Variants in BIRC6 observed in about 807,000 individuals in gnomAD.
The protein encoded by BIRC6 is dual E2 ubiquitin-conjugating enzyme/E3 ubiquitin-protein ligase BIRC6.
Under a neutral mutation model 503.3 loss-of-function variants are expected in BIRC6, and 98 were observed. That is an observed-to-expected ratio of 0.19 (90% confidence interval 0.17 to 0.23). BIRC6 has a LOEUF of 0.23. Among genes scored for constraint, BIRC6 ranks in the 10% least tolerant of loss-of-function variants. The pLI, the probability that BIRC6 is intolerant of heterozygous loss-of-function variation, is 1.00. For missense variants in BIRC6, 5,360 were observed against 5,806.0 expected (o/e 0.92, Z 2.50); for synonymous variants, 2,240 against 2,078.7 (o/e 1.08, Z -2.11).
At chr2:32,597,396 C>T (rs1195396450) in intron 68 of BIRC6, among the ~76,000 whole-genome samples, 1 of 152,132 alleles carries the variant, frequency 6.6e-6, no homozygotes, top group Non-Finnish European at 1.5e-5. Context: ...TTGATTGAAT[C>T]ATTTATTTAA....
chr2:32,515,927 A>G (rs1034143540), intron 55 of BIRC6, among the ~76,000 whole-genome samples, 157 bp downstream of exon 55: 4 of 152,212 alleles, frequency 2.6e-5, no homozygotes, highest in African/African-American at 9.6e-5. Context: ...CCCCCTCAAA[A>G]TATGCTGTCA....
rs761915510 is a variant in BIRC6 at position 32,470,263 on chromosome 2, C to T, written c.6443C>T (p.Pro2148Leu). 1 of 1,574,410 alleles carries T rather than the reference C, an allele frequency of 6.4e-7. No homozygotes were observed. Among genetic ancestry groups the T allele is most frequent in the South Asian group, 1.2e-5 (1 of 85,600 alleles). The part of the protein sequence containing the change: ...LLNLLDNLLS[P>L]LQPQLPMHRR... ...AATCTCTTGGATAATTTATTGTCACCTCTTCAGCCACAGTTACCCATGCAT... is the reference window on the plus strand; with the variant it reads ...AATCTCTTGGATAATTTATTGTCACTTCTTCAGCCACAGTTACCCATGCAT... The change falls in exon 31 of 74, where the codon CCT becomes CTT. Residue 2148 changes from proline (P) to leucine (L), a missense_variant. Physicochemically the swap from Pro to Leu is moderately conservative, Grantham distance 98. Around this residue, in one of 16 missense-constraint regions of BIRC6, gnomAD observed 2,299 missense variants for 2,267.2 expected, o/e 1.01. Coordinates refer to ENST00000421745, the MANE Select transcript of BIRC6 (RefSeq NM_016252.4).
chr2:32,578,885 TG>T (rs1219040249), intron 66 of BIRC6, among the ~76,000 whole-genome samples: 15 of 150,962 alleles, frequency 9.9e-5, no homozygotes, highest in African/African-American at 3.6e-4. Flanking sequence ...TCTCTATTAC[TG>T]TGAAATCCAA....
chr2:32,450,641 T>C (rs1372190394), intron 22 of BIRC6, among the ~76,000 whole-genome samples: 2 of 152,304 alleles, frequency 1.3e-5, no homozygotes, highest in Non-Finnish European at 2.9e-5. Flanking sequence ...GATATCACCA[T>C]ATGGCACCTA....
chr2:32,504,163 T>C (rs985462017), intron 49 of BIRC6, among the ~76,000 whole-genome samples: 2 of 151,834 alleles, frequency 1.3e-5, no homozygotes, highest in Non-Finnish European at 2.9e-5. Flanking sequence ...CCTCCCAAAG[T>C]GTTAGGATTA....
At chr2:32,412,304 C>T (rs1022502029) in intron 9 of BIRC6, among the ~76,000 whole-genome samples, 4 of 151,928 alleles carry the variant, frequency 2.6e-5, no homozygotes, top group African/African-American at 7.2e-5. Flanking sequence ...CGACACTAGC[C>T]GGACCAACAT....
intron 66 of BIRC6, among the ~76,000 whole-genome samples, chr2:32,589,263 C>T (rs1344666258): frequency 1.3e-5 from 2 of 152,176 alleles, no homozygotes; most frequent in East Asian, 1.9e-4. Context: ...TTGAAGCAAG[C>T]ATCTTTTATT....
At chr2:32,417,608 G>A (rs1558669140) in intron 10 of BIRC6, among the ~76,000 whole-genome samples, 1 of 152,166 alleles carries the variant, frequency 6.6e-6, no homozygotes, top group African/African-American at 2.4e-5. Context: ...GCATGGCAGA[G>A]GAATTAGGAT....
Position 32,476,363 on chromosome 2 carries a change from A to G in BIRC6, c.6852+19A>G, listed in dbSNP as rs763508443. The G allele has an allele frequency of 8.4e-5, 130 of 1,550,838 alleles. No individual in the cohort carries two copies. Among genetic ancestry groups the G allele is most frequent in the Non-Finnish European group, 1.0e-4 (120 of 1,149,812 alleles). ...TTCAAAGGTATGATCTATACTTTTC[A>G]ATATAGTTATCTCAGAAAAGTCAAG... On this transcript the variant is annotated intron_variant, in intron 34 of 73. Transcript: ENST00000421745.
chr2:32,616,363 G>C (rs761284299), intron 73 of BIRC6, among the ~76,000 whole-genome samples: 6 of 151,756 alleles, frequency 4.0e-5, no homozygotes, highest in African/African-American at 1.5e-4. Flanking sequence ...TTCGAGACCA[G>C]CCTGGCCAAG....
Position 32,607,680 on chromosome 2 carries a change from G to C in BIRC6, c.14259+37G>C, listed in dbSNP as rs749271042. The C allele has an allele frequency of 3.9e-6, 6 of 1,538,014 alleles. No homozygotes were observed. In the South Asian group the frequency reaches 7.3e-5, roughly 19 times the overall value. ...AAAATTAGTGAAATACTTTGTTAAA[G>C]ACATTTTACAATATAGGCTGGGCAT... On this transcript the variant is annotated intron_variant, in intron 72 of 73. Transcript: ENST00000421745.
intron 10 of BIRC6, among the ~76,000 whole-genome samples, chr2:32,422,695 T>C (rs901886897): frequency 6.6e-6 from 1 of 152,226 alleles, no homozygotes; most frequent in Non-Finnish European, 1.5e-5. Flanking sequence ...TTTATAAGAA[T>C]GATACCAAAC....
chr2:32,594,211 C>T (rs2061544644), intron 67 of BIRC6, 151 bp downstream of exon 67: 2 of 776,066 alleles, frequency 2.6e-6, no homozygotes, highest in Admixed American at 6.6e-5. Flanking sequence ...AGATTTTGTT[C>T]TTTATCTGAT....
chr2:32,537,449 T>C (rs1307640434), intron 61 of BIRC6, among the ~76,000 whole-genome samples: 1 of 152,094 alleles, frequency 6.6e-6, no homozygotes, highest in Non-Finnish European at 1.5e-5. Context: ...GAACTCAGGA[T>C]TAAGAAACTC....
chr2:32,576,707 G>T (rs1046950900), intron 66 of BIRC6, among the ~76,000 whole-genome samples: 7 of 152,112 alleles, frequency 4.6e-5, no homozygotes, highest in African/African-American at 7.2e-5. Context: ...ACCTTGTGAA[G>T]GAATTCTGAC....
chr2:32,548,347 A>G (rs1236056319), intron 64 of BIRC6, among the ~76,000 whole-genome samples: 2 of 86,156 alleles, frequency 2.3e-5, no homozygotes, highest in Non-Finnish European at 5.0e-5. Context: ...ATTTATTTAT[A>G]TGCATTTTGG....
chr2:32,581,557 G>T (rs192355373), intron 66 of BIRC6, among the ~76,000 whole-genome samples: 1 of 152,172 alleles, frequency 6.6e-6, no homozygotes, highest in African/African-American at 2.4e-5. Flanking sequence ...GGCTTTTAAA[G>T]AGGAAACTTC....
At chr2:32,519,954 C>G (rs1229027921) in intron 57 of BIRC6, among the ~76,000 whole-genome samples, 1 of 152,214 alleles carries the variant, frequency 6.6e-6, no homozygotes, top group East Asian at 1.9e-4. Context: ...GACACACATT[C>G]CACCTCACAA....
In BIRC6 at chr2:32,464,770, C is replaced by T; in HGVS notation, c.5203C>T (p.Pro1735Ser). Reference sequence around the variant, plus strand: ...GCTTTTCCCAGGCTCAGTCATTGATCCCCCAGCAGTCAATCTTGCTGCACA... The same window carrying T: ...GCTTTTCCCAGGCTCAGTCATTGATTCCCCAGCAGTCAATCTTGCTGCACA... ...AQLFPGSVID[P>S]PAVNLAAHNK... The change falls in exon 25 of 74, where the codon CCC (proline) becomes TCC (serine). Residue 1735 changes from proline to serine, a missense_variant. Around this residue, in one of 16 missense-constraint regions of BIRC6, gnomAD observed 2,299 missense variants for 2,267.2 expected, o/e 1.01. Transcript: ENST00000421745. 1 of 1,613,840 alleles carries T rather than the reference C, an allele frequency of 6.2e-7. No individual in the cohort carries two copies. The highest frequency in any genetic ancestry group is 8.5e-7 in the Non-Finnish European group (1 of 1,179,802).
Sources: allele counts gnomAD v4.1 joint callset (sites outside exome capture counted in the v4.1 genomes callset), GRCh38; gene constraint gnomAD v4.1.1; regional missense constraint gnomAD v4.1.1; transcripts MANE v1.5; gene names NCBI Gene and HGNC (gene_info 2026-07-23, HGNC 2026-07-21).